The following GRM7 variants were observed in gnomAD, a reference collection of about 807,000 sequenced individuals.
GRM7 encodes glutamate metabotropic receptor 7, also known as metabotropic glutamate receptor 7.
A neutral mutation model predicts 84.5 loss-of-function variants in GRM7; 35 were observed. The observed-to-expected ratio is 0.41, with a 90% confidence interval of 0.32 to 0.55. The LOEUF is 0.55. Among genes scored for constraint, GRM7 ranks in the 20% least tolerant of loss-of-function variants. The pLI, the probability that GRM7 is intolerant of heterozygous loss-of-function variation, is 0.19. For missense variants in GRM7, 1,003 were observed against 1,194.6 expected, an observed-to-expected ratio of 0.84 and a Z score of 2.36; for synonymous variants, 487 against 455.1, an observed-to-expected ratio of 1.07 and a Z score of -0.89.
chr3:7,234,494 G>A (rs1263529268), intron 2 of GRM7, among the ~76,000 whole-genome samples: 2 of 152,116 alleles, frequency 1.3e-5, no homozygotes, highest in African/African-American at 2.4e-5. Context: ...TGTTTATGAA[G>A]TTCTTAGTCC....
At chr3:6,929,869 C>T (rs1697439013) in intron 1 of GRM7, among the ~76,000 whole-genome samples, 2 of 152,118 alleles carry the variant, frequency 1.3e-5, no homozygotes, top group South Asian at 4.1e-4. Flanking sequence ...AGTATATGCC[C>T]TGCCATGGAT....
chr3:7,605,522 T>C (rs901044727), intron 8 of GRM7, among the ~76,000 whole-genome samples: 12 of 152,108 alleles, frequency 7.9e-5, no homozygotes, highest in African/African-American at 2.4e-4. Flanking sequence ...TCTTGATACA[T>C]AGCACGTAAT....
At chr3:6,903,549 G>A (rs1696468825) in intron 1 of GRM7, among the ~76,000 whole-genome samples, 1 of 151,992 alleles carries the variant, frequency 6.6e-6, no homozygotes, top group Non-Finnish European at 1.5e-5. Flanking sequence ...CATTACCCTA[G>A]TGATGAGAAC....
At chr3:7,661,479 C>G (rs753435306) in intron 8 of GRM7, among the ~76,000 whole-genome samples, 1 of 152,056 alleles carries the variant, frequency 6.6e-6, no homozygotes, top group African/African-American at 2.4e-5. Context: ...GGAACTGAAA[C>G]TCTCATACAC....
At chr3:7,601,451 AT>A in intron 8 of GRM7, among the ~76,000 whole-genome samples, 2 of 152,262 alleles carry the variant, frequency 1.3e-5, no homozygotes, top group Middle Eastern at 6.8e-3. Flanking sequence ...AAATAAGTAC[AT>A]GTTGAATGAA....
At chr3:6,893,329 ATAATAT>A (rs1003751738) in intron 1 of GRM7, among the ~76,000 whole-genome samples, 35 of 152,180 alleles carry the variant, frequency 2.3e-4, no homozygotes, top group Non-Finnish European at 3.8e-4. Context: ...GTCTTAATAG[ATAATAT>A]TAATATAAAG....
rs1186060212 is a variant in GRM7 at position 6,878,282 on chromosome 3, T to TAACTAAATATG, written c.519+16376_519+16386dup. 2.9e-3 allele frequency among the ~76,000 whole-genome samples: 449 copies of TAACTAAATATG among 152,244 alleles called. 8 individuals carry two copies. The highest frequency in any genetic ancestry group is 1.8e-4 in the Non-Finnish European group (12 of 68,020). ...CATTGACTTAAAGACCAAAAAGTTG[T>TAACTAAATATG]AACTAAATATGTATTATTCAAAATT... On this transcript the variant is annotated intron_variant, in intron 1 of 9. Transcript: ENST00000357716.
At chr3:7,247,305 C>T (rs1465875543) in intron 2 of GRM7, among the ~76,000 whole-genome samples, 2 of 152,090 alleles carry the variant, frequency 1.3e-5, no homozygotes, top group Non-Finnish European at 2.9e-5. Flanking sequence ...GACACCATAG[C>T]TCATTCCTGT....
intron 8 of GRM7, among the ~76,000 whole-genome samples, chr3:7,621,679 T>A (rs1697363776): frequency 6.6e-6 from 1 of 152,106 alleles, no homozygotes; most frequent in African/African-American, 2.4e-5. Flanking sequence ...TTGTTGCTGC[T>A]ATGACCAGTA....
chr3:7,615,744 G>A (rs1439211684), intron 8 of GRM7, among the ~76,000 whole-genome samples: 1 of 152,038 alleles, frequency 6.6e-6, no homozygotes, highest in Non-Finnish European at 1.5e-5. Context: ...AGGGGAGGAG[G>A]AGGGACTACT....
chr3:6,980,152 A>G (rs12630570), intron 1 of GRM7, among the ~76,000 whole-genome samples: 65,668 of 151,752 alleles, frequency 0.43, 14,279 homozygotes, highest in Middle Eastern at 0.59. Context: ...TCATTCTTTC[A>G]CTCTTTCTTT....
intron 4 of GRM7, among the ~76,000 whole-genome samples, chr3:7,346,207 A>G (rs1692887213): frequency 6.6e-6 from 1 of 152,136 alleles, no homozygotes; most frequent in Non-Finnish European, 1.5e-5. Context: ...AGGTAATTTC[A>G]ATACTGTAAA....
rs1032040380 is a variant in GRM7, at chr3:7,664,086, C to A, written c.2452-15963C>A. Among the ~76,000 whole-genome samples, 8 of 152,098 alleles carry A rather than the reference C, an allele frequency of 5.3e-5. No individual in the cohort carries two copies. The East Asian group carries it at 1.5e-3, about 29-fold the overall frequency. Reference sequence around the variant, plus strand: ...TCATTATTAGACACCCTATAATTACCCTGCCAAACTTTCCAGAATCTACAA... The same window carrying A: ...TCATTATTAGACACCCTATAATTACACTGCCAAACTTTCCAGAATCTACAA... On this transcript the variant is annotated intron_variant, in intron 8 of 9. Coordinates refer to ENST00000357716, the MANE Select transcript of GRM7 (RefSeq NM_000844.4).
chr3:7,331,037 T>G (rs886507805), intron 4 of GRM7, among the ~76,000 whole-genome samples: 1 of 152,236 alleles, frequency 6.6e-6, no homozygotes, highest in African/African-American at 2.4e-5. Flanking sequence ...GATTTTTCTT[T>G]ACAACACTTA....
chr3:6,950,769 C>T (rs939478011), intron 1 of GRM7, among the ~76,000 whole-genome samples: 1 of 152,230 alleles, frequency 6.6e-6, no homozygotes, highest in Non-Finnish European at 1.5e-5. Flanking sequence ...GCGCCCCTCC[C>T]CCAGCCTTGC....
intron 1 of GRM7, among the ~76,000 whole-genome samples, chr3:7,141,828 GA>G: frequency 6.6e-6 from 1 of 151,964 alleles, no homozygotes; most frequent in South Asian, 2.1e-4. Context: ...TGTCATTAAA[GA>G]ATTATTAATT....
chr3:7,401,366 C>CAT, intron 4 of GRM7, among the ~76,000 whole-genome samples: 1 of 152,050 alleles, frequency 6.6e-6, no homozygotes, highest in Non-Finnish European at 1.5e-5. Flanking sequence ...ACAGTGTTGA[C>CAT]CACGTTTTGT....
chr3:7,261,928 T>TCCCTCCCTCCCTTCCTCCCTTCCTA (rs1698443923), intron 2 of GRM7, among the ~76,000 whole-genome samples: 1 of 131,772 alleles, frequency 7.6e-6, no homozygotes, highest in Non-Finnish European at 1.6e-5. Context: ...CTCCCTTCCT[T>TCCCTCCCTCCCTTCCTCCCTTCCTA]CCCTCCTTCC....
At chr3:7,109,979 A>G (rs1472087104) in intron 1 of GRM7, among the ~76,000 whole-genome samples, 1 of 152,104 alleles carries the variant, frequency 6.6e-6, no homozygotes, top group African/African-American at 2.4e-5. Context: ...GATGAACACA[A>G]ATCAAAGCCA....
Sources: allele counts gnomAD v4.1 joint callset (sites outside exome capture counted in the v4.1 genomes callset), GRCh38; gene constraint gnomAD v4.1.1; transcripts MANE v1.5; gene names NCBI Gene and HGNC (gene_info 2026-07-23, HGNC 2026-07-21).